The following DENND1A variants were observed in gnomAD, a reference collection of about 807,000 sequenced individuals.
DENND1A encodes DENN domain containing 1A.
Under a neutral mutation model 113.7 loss-of-function variants are expected in DENND1A, and 51 were observed. The observed-to-expected ratio is 0.45, with a 90% CI of 0.36 to 0.57. DENND1A has a LOEUF of 0.57. Among genes scored for constraint, DENND1A ranks in the 20% least tolerant of loss-of-function variants. DENND1A has a pLI of 0.00. For missense variants in DENND1A, 1,258 were observed against 1,395.9 expected (o/e 0.90, Z 1.57); for synonymous variants, 565 against 570.8 (o/e 0.99, Z 0.14).
At chr9:123,506,955 G>A (rs1419021564) in intron 13 of DENND1A, among the ~76,000 whole-genome samples, 2 of 152,238 alleles carry the variant, frequency 1.3e-5, no homozygotes, top group Non-Finnish European at 2.9e-5. Flanking sequence ...GGATGCTGAG[G>A]CAGGCAGATA....
intron 1 of DENND1A, among the ~76,000 whole-genome samples, chr9:123,905,080 A>G (rs867320336): frequency 2.0e-5 from 3 of 152,076 alleles, no homozygotes. Flanking sequence ...AGAATTTTCA[A>G]CCCAGAATTT....
At chr9:123,582,878 T>C (rs941879556) in intron 12 of DENND1A, among the ~76,000 whole-genome samples, 7 of 151,842 alleles carry the variant, frequency 4.6e-5, no homozygotes, top group Non-Finnish European at 1.0e-4. Flanking sequence ...TTTGTATTTT[T>C]AGTAGAAACA....
intron 10 of DENND1A, among the ~76,000 whole-genome samples, chr9:123,626,612 C>T (rs933171336): frequency 1.3e-5 from 2 of 152,108 alleles, no homozygotes; most frequent in African/African-American, 4.8e-5. Context: ...CTGCCCAGCC[C>T]TCAAGCTTTC....
intron 2 of DENND1A, among the ~76,000 whole-genome samples, chr9:123,812,178 AAT>A (rs1836731783): frequency 6.6e-6 from 1 of 152,174 alleles, no homozygotes; most frequent in African/African-American, 2.4e-5. Flanking sequence ...CCCATGATAA[AAT>A]AGAGTTGTTT....
intron 4 of DENND1A, among the ~76,000 whole-genome samples, chr9:123,767,260 C>T (rs148982688): frequency 0.02 from 3,084 of 152,104 alleles, 46 homozygotes; most frequent in Non-Finnish European, 0.03. Flanking sequence ...AATATATAGT[C>T]CCCACATAAA....
intron 10 of DENND1A, among the ~76,000 whole-genome samples, chr9:123,629,228 A>G (rs1268471367): frequency 6.6e-6 from 1 of 152,190 alleles, no homozygotes; most frequent in Non-Finnish European, 1.5e-5. Flanking sequence ...TCCTTAAGCA[A>G]CAGGGCTATG....
intron 13 of DENND1A, among the ~76,000 whole-genome samples, chr9:123,501,342 T>C (rs2052465224): frequency 6.6e-6 from 1 of 152,250 alleles, no homozygotes; most frequent in Non-Finnish European, 1.5e-5. Flanking sequence ...CACTCATCTG[T>C]GGATGGACAC....
intron 3 of DENND1A, 107 bp downstream of exon 3, chr9:123,792,480 C>T: frequency 3.4e-6 from 4 of 1,165,322 alleles, no homozygotes; most frequent in South Asian, 1.7e-5. Context: ...GCTTTTCTTC[C>T]CTTCTAAAAA....
intron 20 of DENND1A, among the ~76,000 whole-genome samples, chr9:123,406,699 C>T (rs2043880337): frequency 6.6e-6 from 1 of 152,226 alleles, no homozygotes; most frequent in South Asian, 2.1e-4. Context: ...CCTTCTGACT[C>T]TGCACTGGTT....
chr9:123,580,538 G>A (rs1232970394), intron 12 of DENND1A, among the ~76,000 whole-genome samples: 2 of 152,240 alleles, frequency 1.3e-5, no homozygotes, highest in African/African-American at 4.8e-5. Flanking sequence ...TGGTTTCTGA[G>A]CTGCCAGTCA....
intron 2 of DENND1A, among the ~76,000 whole-genome samples, chr9:123,827,822 C>A (rs1839593689): frequency 6.6e-6 from 1 of 152,086 alleles, no homozygotes; most frequent in African/African-American, 2.4e-5. Context: ...ATCACCTAAA[C>A]CCCTAATTGG....
chr9:123,424,337 C>T (rs1400557040), intron 19 of DENND1A, among the ~76,000 whole-genome samples: 1 of 152,180 alleles, frequency 6.6e-6, no homozygotes, highest in African/African-American at 2.4e-5. Flanking sequence ...CAGCCCTGTG[C>T]TATTCTATGA....
intron 13 of DENND1A, among the ~76,000 whole-genome samples, chr9:123,465,295 G>A (rs1374777033): frequency 5.4e-5 from 8 of 147,802 alleles, no homozygotes; most frequent in Non-Finnish European, 1.2e-4. Context: ...CAGAGGGCTG[G>A]TTTTTGTCTT....
intron 12 of DENND1A, among the ~76,000 whole-genome samples, chr9:123,566,281 T>C (rs983571100): frequency 6.6e-6 from 1 of 152,234 alleles, no homozygotes; most frequent in African/African-American, 2.4e-5. Context: ...CTTGAGAACA[T>C]GGTTGTACCT....
intron 5 of DENND1A, among the ~76,000 whole-genome samples, chr9:123,739,922 GAAA>G (rs74357014): frequency 8.4e-6 from 1 of 118,938 alleles, no homozygotes; most frequent in Admixed American, 8.7e-5. Flanking sequence ...GTACATAGGA[GAAA>G]AAAAAAAAAA....
intron 13 of DENND1A, among the ~76,000 whole-genome samples, chr9:123,502,674 T>C (rs2052592514): frequency 6.6e-6 from 1 of 152,240 alleles, no homozygotes; most frequent in Non-Finnish European, 1.5e-5. Flanking sequence ...ATAGACAAAA[T>C]TTTTAAGTTT....
At chr9:123,742,486 T>C (rs759222846) in intron 5 of DENND1A, among the ~76,000 whole-genome samples, 2 of 152,214 alleles carry the variant, frequency 1.3e-5, no homozygotes, top group Non-Finnish European at 2.9e-5. Context: ...TTCCTGATCC[T>C]TCCACATGTT....
At chr9:123,713,420 T>C (rs2066762130) in intron 5 of DENND1A, among the ~76,000 whole-genome samples, 1 of 152,192 alleles carries the variant, frequency 6.6e-6, no homozygotes, top group Admixed American at 6.5e-5. Context: ...ATGTGGCAGA[T>C]AAGAGATTTC....
chr9:123,647,844 A>G (rs1305803548), intron 9 of DENND1A, among the ~76,000 whole-genome samples: 1 of 152,216 alleles, frequency 6.6e-6, no homozygotes, highest in African/African-American at 2.4e-5. Flanking sequence ...ATAAAACCTA[A>G]AAAAAGCCAC....
Sources: allele counts gnomAD v4.1 joint callset (sites outside exome capture counted in the v4.1 genomes callset), GRCh38; gene constraint gnomAD v4.1.1; transcripts MANE v1.5; gene names NCBI Gene and HGNC (gene_info 2026-07-23, HGNC 2026-07-21).